OSBPL9: variants seen among roughly 807,000 people sequenced by gnomAD.
The protein encoded by OSBPL9 is oxysterol-binding protein-related protein 9.
In OSBPL9, 40 loss-of-function variants were observed where a neutral mutation model predicts 106.6. The ratio of observed to expected loss-of-function variants is 0.38; its 90% CI spans 0.29 to 0.49. The LOEUF is 0.49. Ranked by LOEUF, OSBPL9 falls within the 20% of genes least tolerant of loss-of-function variation. OSBPL9 has a pLI of 0.97. For synonymous variants in OSBPL9, 269 were observed against 295.4 expected (o/e 0.91, Z 0.92); for missense variants, 609 against 887.2 (o/e 0.69, Z 3.98).
chr1:51,650,413 A>G (rs1468330806), intron 1 of OSBPL9, among the ~76,000 whole-genome samples: 1 of 152,200 alleles, frequency 6.6e-6, no homozygotes, highest in African/African-American at 2.4e-5. Context: ...TGAAGGGAAG[A>G]TAAGTATAGG....
At chr1:51,532,392 T>C in the OSBPL9 span, among the ~76,000 whole-genome samples, 23 of 152,184 alleles carry the variant, frequency 1.5e-4, 1 homozygote, top group South Asian at 4.6e-3. Flanking sequence ...GGGGAAAGAA[T>C]TGGCTTTGAG....
intron 3 of OSBPL9, among the ~76,000 whole-genome samples, chr1:51,678,051 T>G (rs1476048462): frequency 6.6e-6 from 1 of 151,324 alleles, no homozygotes; most frequent in Non-Finnish European, 1.5e-5. Flanking sequence ...CATGGTGGCG[T>G]GTGTGCCTGT....
the OSBPL9 span, among the ~76,000 whole-genome samples, chr1:51,532,750 A>T: frequency 1.3e-5 from 2 of 152,112 alleles, no homozygotes; most frequent in South Asian, 4.1e-4. Flanking sequence ...CTATCAAGGG[A>T]GTGATTTTAA....
the OSBPL9 span, chr1:51,518,496 AG>A: frequency 6.5e-6 from 1 of 152,970 alleles, no homozygotes; most frequent in Non-Finnish European, 1.5e-5. Flanking sequence ...GGGTGGCAAA[AG>A]GCTGCATTGG....
chr1:51,622,184 G>A (rs1474086811), intron 1 of OSBPL9, among the ~76,000 whole-genome samples: 1 of 152,144 alleles, frequency 6.6e-6, no homozygotes, highest in Non-Finnish European at 1.5e-5. Flanking sequence ...AGAACAGGTT[G>A]GGGGAGAGAA....
At chr1:51,523,925 T>G in the OSBPL9 span, among the ~76,000 whole-genome samples, 1 of 152,064 alleles carries the variant, frequency 6.6e-6, no homozygotes, top group East Asian at 1.9e-4. Flanking sequence ...GTGAAGTGAT[T>G]GAAACTATGG....
intron 3 of OSBPL9, chr1:51,709,117 C>T (rs1659251759): frequency 6.6e-6 from 1 of 152,452 alleles, no homozygotes; most frequent in African/African-American, 2.4e-5. Flanking sequence ...GGAGGCATTG[C>T]CCTCGCTATT....
chr1:51,690,762 AAT>A (rs1654788891), intron 3 of OSBPL9, among the ~76,000 whole-genome samples: 1 of 152,224 alleles, frequency 6.6e-6, no homozygotes, highest in Non-Finnish European at 1.5e-5. Flanking sequence ...AGGAGGGAGA[AAT>A]AAACATGAAT....
intron 1 of OSBPL9, among the ~76,000 whole-genome samples, chr1:51,626,670 G>A (rs115337727): frequency 0.032 from 4,886 of 151,658 alleles, 204 homozygotes; most frequent in East Asian, 0.11. Flanking sequence ...GCCACCACAC[G>A]AGCTAATTTT....
At chr1:51,698,683 A>T (rs958190453) in intron 3 of OSBPL9, among the ~76,000 whole-genome samples, 4 of 152,198 alleles carry the variant, frequency 2.6e-5, no homozygotes, top group Non-Finnish European at 4.4e-5. Flanking sequence ...AACATTATTT[A>T]AAAAAGGGAA....
At chr1:51,693,181 C>G (rs766513902) in intron 3 of OSBPL9, among the ~76,000 whole-genome samples, 4 of 151,790 alleles carry the variant, frequency 2.6e-5, no homozygotes, top group Admixed American at 6.6e-5. Context: ...CAAGACCAGC[C>G]TGGGTAACAT....
At chr1:51,613,548 A>G (rs1054540329), upstream of OSBPL9, among the ~76,000 whole-genome samples, 5 of 152,192 alleles carry the variant, frequency 3.3e-5, no homozygotes, top group African/African-American at 1.2e-4. Flanking sequence ...AAGTGATAAG[A>G]TATATAACAT....
At chr1:51,764,469 TA>T (rs1672153076) in intron 11 of OSBPL9, among the ~76,000 whole-genome samples, 2 of 152,204 alleles carry the variant, frequency 1.3e-5, no homozygotes, top group Non-Finnish European at 2.9e-5. Flanking sequence ...GTTATCTTTT[TA>T]AAATACCTTT....
chr1:51,700,571 A>T (rs1375486557), intron 3 of OSBPL9, among the ~76,000 whole-genome samples: 1 of 152,052 alleles, frequency 6.6e-6, no homozygotes, highest in Admixed American at 6.5e-5. Context: ...ATATGTTCTC[A>T]TGATTCGATT....
upstream of OSBPL9, among the ~76,000 whole-genome samples, chr1:51,575,491 G>A (rs1570523979): frequency 4.0e-5 from 6 of 151,804 alleles, no homozygotes; most frequent in South Asian, 1.0e-3. Flanking sequence ...GATTACAGGC[G>A]TGAGCCACCG....
chr1:51,777,098 G>A (rs558018303), intron 15 of OSBPL9, among the ~76,000 whole-genome samples, 180 bp downstream of exon 15: 1 of 152,282 alleles, frequency 6.6e-6, no homozygotes, highest in East Asian at 1.9e-4. Context: ...TGGTGGCGAT[G>A]TTAGGCAACC....
chr1:51,683,506 A>G (rs550706700), intron 3 of OSBPL9, among the ~76,000 whole-genome samples: 87 of 151,354 alleles, frequency 5.7e-4, no homozygotes, highest in African/African-American at 2.0e-3. Context: ...AAAGAAGGAA[A>G]TCTTCGCTGG....
At chr1:51,548,048 C>T in the OSBPL9 span, among the ~76,000 whole-genome samples, 1 of 151,784 alleles carries the variant, frequency 6.6e-6, no homozygotes, top group African/African-American at 2.4e-5. Flanking sequence ...GATTTCTACA[C>T]TGAATACCTA....
At chr1:51,669,874 T>C (rs1229752956) in intron 3 of OSBPL9, 1 of 462,910 alleles carries the variant, frequency 2.2e-6, no homozygotes, top group Non-Finnish European at 4.3e-6. Flanking sequence ...GTCTAAAGAC[T>C]GATTGTGAAG....
Sources: gnomAD v4.1 joint callset for allele counts (sites outside exome capture counted in the v4.1 genomes callset) on GRCh38, gnomAD v4.1.1 for gene constraint, MANE v1.5 for transcripts, NCBI Gene and HGNC (gene_info 2026-07-23, HGNC 2026-07-21) for gene names.